SH3BP1: variants seen among roughly 807,000 people sequenced by gnomAD.
The protein encoded by SH3BP1 is SH3 domain binding protein 1.
A neutral mutation model predicts 69.8 loss-of-function variants in SH3BP1; 46 were observed. The observed-to-expected ratio is 0.66, with a 90% CI of 0.52 to 0.84. The LOEUF is 0.84. SH3BP1 is among the 40% of genes least tolerant of loss of function. The pLI is 0.00. For missense variants in SH3BP1, 868 were observed against 930.9 expected (o/e 0.93, Z 0.88); for synonymous variants, 403 against 378.0 (o/e 1.07, Z -0.77).
chr22:37,654,562 ACT>A (rs1369453179), intron 17 of SH3BP1, among the ~76,000 whole-genome samples: 2 of 150,088 alleles, frequency 1.3e-5, no homozygotes, highest in Admixed American at 1.3e-4. Flanking sequence ...CAAGAATGAG[ACT>A]CTGTCTCAAA....
chr22:37,650,699 C>T lies in SH3BP1; in HGVS notation c.1572C>T (p.Ala524=), dbSNP rs1384185380. The change falls in exon 16 of 18, where the codon GCC becomes GCT. Residue 524 remains alanine, a synonymous_variant. Coordinates refer to ENST00000649765, the MANE Select transcript of SH3BP1 (RefSeq NM_018957.6). Reference sequence around the variant, plus strand: ...CTCCAGCTCCAGCTCCGGCCCCAGCCTTGGCTTCAGCAGCTACCAAGGAAA... The same window carrying T: ...CTCCAGCTCCAGCTCCGGCCCCAGCTTTGGCTTCAGCAGCTACCAAGGAAA... The part of the protein sequence containing the change: ...APAPAPAPAP[A]LASAATKERT... 3.1e-6 allele frequency: 5 copies of T among 1,612,430 alleles called. No individual in the cohort carries two copies. The highest frequency in any genetic ancestry group is 4.2e-6 in the Non-Finnish European group (5 of 1,179,144).
At chr22:37,641,804 G>T in intron 3 of SH3BP1, 1 of 311,520 alleles carries the variant, frequency 3.2e-6, no homozygotes, top group Non-Finnish European at 6.0e-6. Context: ...TAGCAATTGA[G>T]CTGGCTTTTG....
At position 37,643,646 on chromosome 22, in the gene SH3BP1, T is replaced by C. The variant is rs1932697421; in HGVS notation, c.476T>C (p.Leu159Pro). The part of the protein sequence containing the change: ...VSDWNTLKSR[L>P]SQATKNSGSS... ...GCTCACCTTGGGATCATCTCCAGGC[T>C]CAGTCAGGCAACCAAGAATTCAGGC... is the stretch of plus-strand genomic sequence containing the variant. Residue 159 changes from leucine (L) to proline (P), a missense_variant and splice_region_variant, in exon 7 of 18, where the codon CTC (leucine) becomes CCC (proline). Around this residue, in one of 3 missense-constraint regions of SH3BP1, gnomAD observed 387 missense variants for 447.9 expected, o/e 0.86. Coordinates refer to ENST00000649765, the MANE Select transcript of SH3BP1 (RefSeq NM_018957.6). 6.2e-7 allele frequency: 1 copy of C among 1,613,972 alleles called. No individual in the cohort carries two copies. The highest frequency in any genetic ancestry group is 8.5e-7 in the Non-Finnish European group (1 of 1,180,016).
Position 37,655,978 on chromosome 22 carries a change from TG to T in SH3BP1, c.*295del, listed in dbSNP as rs1265487013. Reference sequence around the variant, plus strand: ...AGAGGTTTGCCTGCTCCTACGGGACTGATTCTTCTCTTGCCGACATGTTTTT... The same window carrying T: ...AGAGGTTTGCCTGCTCCTACGGGACTATTCTTCTCTTGCCGACATGTTTTT... On this transcript the variant is annotated 3_prime_UTR_variant, in exon 18 of 18. Coordinates refer to ENST00000649765, the MANE Select transcript of SH3BP1 (RefSeq NM_018957.6). 5 of 1,529,368 alleles carry T rather than the reference TG, an allele frequency of 3.3e-6. No homozygotes were observed. The highest frequency in any genetic ancestry group is 4.4e-6 in the Non-Finnish European group (5 of 1,136,102). 94.7% of individuals were successfully genotyped at this position (1,529,368 alleles called of 1,614,324 possible). A position where few individuals can be genotyped will look rare whatever the true frequency, so the allele number is the denominator to read the frequency against.
At chr22:37,651,056 CAG>C (rs1173422619) in intron 16 of SH3BP1, among the ~76,000 whole-genome samples, 4 of 151,608 alleles carry the variant, frequency 2.6e-5, no homozygotes, top group South Asian at 4.2e-4. Flanking sequence ...TTTTTTAAGA[CAG>C]AGTCTCACTC....
Position 37,643,094 on chromosome 22 carries a change from C to A in SH3BP1, c.397-4C>A. The stretch of plus-strand genomic sequence containing the variant: ...CACACTGACCCCCCCATGCCCATCC[C>A]CAGGAGGAGCTGCCAGCCATCCTCA... On this transcript the variant is annotated splice_region_variant and splice_polypyrimidine_tract_variant and intron_variant, in intron 5 of 17. Transcript: ENST00000649765. 6.2e-7 allele frequency: 1 copy of A among 1,611,024 alleles called. No homozygotes were observed. The highest frequency in any genetic ancestry group is 8.5e-7 in the Non-Finnish European group (1 of 1,178,838).
intron 16 of SH3BP1, 169 bp downstream of exon 16, chr22:37,650,894 C>A: frequency 1.2e-6 from 1 of 829,394 alleles, no homozygotes; most frequent in Non-Finnish European, 1.8e-6. Flanking sequence ...GACTCAGAGG[C>A]GGAATTTGTC....
rs377439634 is a variant in SH3BP1, at chr22:37,644,642, G to A, written c.624G>A (p.Glu208=). The part of the protein sequence containing the change: ...LKRKVEQCRD[E]YLADLYHFVT... ...CTCCCCTCTCTGTCCCCAAGGACGA[G>A]TACTTGGCTGACCTGTACCACTTTG... The change falls in exon 8 of 18, where the codon GAG becomes GAA. Residue 208 remains glutamate (E), a synonymous_variant. Transcript: ENST00000649765. 6.2e-7 allele frequency: 1 copy of A among 1,614,056 alleles called. No individual in the cohort carries two copies. Among genetic ancestry groups the A allele is most frequent in the Non-Finnish European group, 8.5e-7 (1 of 1,180,024 alleles).
intron 2 of SH3BP1, 52 bp downstream of exon 2, chr22:37,641,220 G>A (rs755052566): frequency 4.3e-5 from 66 of 1,538,688 alleles, no homozygotes; most frequent in Admixed American, 1.2e-4. Flanking sequence ...AGGCTGTCTC[G>A]GAGCAGAGGG....
intron 16 of SH3BP1, among the ~76,000 whole-genome samples, chr22:37,653,557 G>A (rs995273963): frequency 1.3e-5 from 2 of 152,148 alleles, no homozygotes; most frequent in South Asian, 4.1e-4. Context: ...GAGGAACATG[G>A]ACTCTGTCAC....
intron 17 of SH3BP1, 63 bp downstream of exon 17, chr22:37,653,936 C>T (rs1439194370): frequency 8.5e-7 from 1 of 1,172,286 alleles, no homozygotes; most frequent in Admixed American, 2.0e-5. Flanking sequence ...GACAGGCAGT[C>T]CCAGGTCCTC....
At position 37,644,622 on chromosome 22, in the gene SH3BP1, C is replaced by T. The variant is rs1240424411; in HGVS notation, c.619-15C>T. On this transcript the variant is annotated splice_polypyrimidine_tract_variant and intron_variant, in intron 7 of 17. Transcript: ENST00000649765. The stretch of plus-strand genomic sequence containing the variant: ...AGCCTCACCCAACGTAAGCTCTCCC[C>T]TCTCTGTCCCCAAGGACGAGTACTT... The T allele has an allele frequency of 6.2e-7, 1 of 1,614,032 alleles. No individual in the cohort carries two copies. The highest frequency in any genetic ancestry group is 8.5e-7 in the Non-Finnish European group (1 of 1,179,868).
intron 16 of SH3BP1, among the ~76,000 whole-genome samples, chr22:37,652,391 G>A (rs769599659): frequency 6.6e-6 from 1 of 152,098 alleles, no homozygotes. Flanking sequence ...AAATGAGGTC[G>A]GTGTGGTGGT....
chr22:37,647,478 G>C lies in SH3BP1; in HGVS notation c.1156G>C (p.Glu386Gln). 1 of 1,609,328 alleles carries C rather than the reference G, an allele frequency of 6.2e-7. No individual in the cohort carries two copies. Among genetic ancestry groups the C allele is most frequent in the Non-Finnish European group, 8.5e-7 (1 of 1,179,682 alleles). The change falls in exon 13 of 18, where the codon GAG (glutamate) becomes CAG (glutamine). Residue 386 changes from glutamate (E) to glutamine (Q), a missense_variant. Physicochemically the swap from Glu to Gln is conservative, Grantham distance 29. Around this residue, in one of 3 missense-constraint regions of SH3BP1, gnomAD observed 474 missense variants for 462.3 expected, o/e 1.03. Transcript: ENST00000649765. ...EPGARLQALQ[E>Q]VCSRLPPENL... is the part of the protein sequence containing the mutation. ...AGGGGCCCGGCTGCAGGCCCTCCAA[G>C]AGGTGTGCAGCCGCCTACCCCCCGA... is the stretch of plus-strand genomic sequence containing the variant.
In SH3BP1 at chr22:37,646,903, TCTG is replaced by T. The variant is rs768407020; in HGVS notation, c.1013_1015del (p.Cys338del). On this transcript the variant is annotated inframe_deletion, in exon 11 of 18. Transcript: ENST00000649765. ...TCGGACCCCCACAGCCTGGAGGAGT[TCTG>T]CTCCGACCCGCACGCTGTGGCAGGT... The T allele has an allele frequency of 6.4e-7, 1 of 1,557,894 alleles. No individual in the cohort carries two copies. Among genetic ancestry groups the T allele is most frequent in the Non-Finnish European group, 8.7e-7 (1 of 1,154,546 alleles).
In SH3BP1 at chr22:37,650,645, C is replaced by T; in HGVS notation, c.1518C>T (p.Thr506=). The T allele has an allele frequency of 6.2e-7, 1 of 1,613,942 alleles. No homozygotes were observed. Among genetic ancestry groups the T allele is most frequent in the Non-Finnish European group, 8.5e-7 (1 of 1,179,922 alleles). Residue 506 remains threonine (T), a synonymous_variant, in exon 16 of 18, where the codon ACC becomes ACT. Transcript: ENST00000649765. ...SEELPSTAVP[T]PATTPAPAPA... Reference sequence around the variant, plus strand: ...AACTTCCGTCCACTGCCGTGCCCACCCCAGCCACCACCCCGGCTCCGGCTC... The same window carrying T: ...AACTTCCGTCCACTGCCGTGCCCACTCCAGCCACCACCCCGGCTCCGGCTC...
rs1164104312 is a variant in SH3BP1 at position 37,642,386 on chromosome 22, A to AC, written c.208-148dup. The AC allele has an allele frequency of 6.0e-6, 4 of 667,964 alleles. No individual in the cohort carries two copies. The South Asian group carries it at 7.1e-5, about 12-fold the overall frequency. 41.4% of individuals were successfully genotyped at this position (667,964 alleles called of 1,614,324 possible). ...CCATCCATGCTCTCAGGGAAATGTC[A>AC]CCCCCACCACGCCTTGTCATCTTGT... On this transcript the variant is annotated intron_variant, in intron 3 of 17. Coordinates refer to ENST00000649765, the MANE Select transcript of SH3BP1 (RefSeq NM_018957.6).
chr22:37,651,970 T>G (rs1257873362), intron 16 of SH3BP1, among the ~76,000 whole-genome samples: 1 of 152,050 alleles, frequency 6.6e-6, no homozygotes, highest in Non-Finnish European at 1.5e-5. Context: ...CAGTGAGGAA[T>G]GAGCCTAGGA....
At chr22:37,647,207 C>A in intron 11 of SH3BP1, 60 bp from the exon 12 acceptor site, 1 of 1,452,970 alleles carries the variant, frequency 6.9e-7, no homozygotes, top group South Asian at 1.1e-5. Flanking sequence ...GTTCCTTCTA[C>A]AGGGAGAGTG....
Sources: gnomAD v4.1 joint callset for allele counts (sites outside exome capture counted in the v4.1 genomes callset) on GRCh38, gnomAD v4.1.1 for gene constraint, gnomAD v4.1.1 regional missense constraint, MANE v1.5 for transcripts, NCBI Gene and HGNC (gene_info 2026-07-23, HGNC 2026-07-21) for gene names.